SEMA3E: variants seen among roughly 807,000 people sequenced by gnomAD.
SEMA3E encodes semaphorin 3E.
In SEMA3E, 49 loss-of-function variants were observed where a neutral mutation model predicts 93.6. The ratio of observed to expected loss-of-function variants is 0.52; its 90% CI spans 0.42 to 0.66. The LOEUF is 0.66. Among genes scored for constraint, SEMA3E ranks in the 30% least tolerant of loss-of-function variants. The pLI, the probability that SEMA3E is intolerant of heterozygous loss-of-function variation, is 0.00. For synonymous variants in SEMA3E, 363 were observed against 330.7 expected, an observed-to-expected ratio of 1.10 and a Z score of -1.06; for missense variants, 906 against 964.8, an observed-to-expected ratio of 0.94 and a Z score of 0.81.
chr7:83,568,432 C>G (rs191207429), intron 1 of SEMA3E, among the ~76,000 whole-genome samples: 1 of 151,918 alleles, frequency 6.6e-6, no homozygotes. Flanking sequence ...AACAAAAATC[C>G]GTAGGCCAAT....
At chr7:83,531,064 A>G (rs1473133217) in intron 1 of SEMA3E, among the ~76,000 whole-genome samples, 2 of 152,138 alleles carry the variant, frequency 1.3e-5, no homozygotes, top group African/African-American at 4.8e-5. Context: ...TAAGAAACAG[A>G]ATGTAGTATT....
chr7:83,541,044 C>T (rs912600449), intron 1 of SEMA3E, among the ~76,000 whole-genome samples: 2 of 152,158 alleles, frequency 1.3e-5, no homozygotes, highest in African/African-American at 4.8e-5. Context: ...CAACTGAGTA[C>T]TTTCAGATGC....
intron 1 of SEMA3E, among the ~76,000 whole-genome samples, chr7:83,544,816 G>A (rs1791611945): frequency 6.6e-6 from 1 of 151,658 alleles, no homozygotes; most frequent in African/African-American, 2.4e-5. Flanking sequence ...CATCTAGGTG[G>A]GACCCTTTAT....
chr7:83,432,651 C>T (rs559043901), intron 4 of SEMA3E, among the ~76,000 whole-genome samples: 1 of 152,068 alleles, frequency 6.6e-6, no homozygotes, highest in Non-Finnish European at 1.5e-5. Flanking sequence ...GAAAGTTAGG[C>T]AATCATATAT....
intron 4 of SEMA3E, among the ~76,000 whole-genome samples, chr7:83,434,052 T>G (rs2722970): frequency 0.77 from 116,270 of 151,906 alleles, 44,835 homozygotes; most frequent in East Asian, 1. Context: ...AGGTTGGTGC[T>G]AAATAACTGT....
rs565594172 is a variant in SEMA3E at position 83,363,533 on chromosome 7, C to T, written c.*4053G>A. 1 of 151,842 alleles carries T rather than the reference C, an allele frequency of 6.6e-6. No homozygotes were observed. The highest frequency in any genetic ancestry group is 1.5e-5 in the Non-Finnish European group (1 of 67,976). The allele number at this position is 151,842 out of a possible 1,614,324, so 9.4% of individuals were successfully genotyped here. ...TATAAGTAAGCCATTTAAACACAAG[C>T]AGAACACAATTTATAATGAAAGCCA... is the stretch of plus-strand genomic sequence containing the variant. On this transcript the variant is annotated 3_prime_UTR_variant, in exon 17 of 17. Coordinates refer to ENST00000643230, the MANE Select transcript of SEMA3E (RefSeq NM_012431.3).
intron 1 of SEMA3E, among the ~76,000 whole-genome samples, chr7:83,537,807 C>G (rs1791436471): frequency 6.6e-6 from 1 of 152,102 alleles, no homozygotes; most frequent in South Asian, 2.1e-4. Flanking sequence ...TTTCCATCAC[C>G]TCTAAAAGAA....
chr7:83,531,341 C>A, intron 1 of SEMA3E, among the ~76,000 whole-genome samples: 1 of 68,142 alleles, frequency 1.5e-5, no homozygotes, highest in Admixed American at 2.5e-4. Flanking sequence ...TTGGAATATT[C>A]TTTTTTTTTT....
intron 1 of SEMA3E, among the ~76,000 whole-genome samples, chr7:83,565,717 C>T (rs1792134274): frequency 6.6e-6 from 1 of 151,978 alleles, no homozygotes; most frequent in Non-Finnish European, 1.5e-5. Context: ...GCTTCCTTGA[C>T]CAAAGGCTAC....
intron 1 of SEMA3E, among the ~76,000 whole-genome samples, chr7:83,524,851 T>C (rs539172430): frequency 1.3e-5 from 2 of 151,974 alleles, no homozygotes; most frequent in South Asian, 2.1e-4. Context: ...AAATCTCTCC[T>C]GGAGCCTCTG....
intron 1 of SEMA3E, among the ~76,000 whole-genome samples, chr7:83,623,280 T>G (rs992396288): frequency 2.0e-5 from 3 of 152,040 alleles, no homozygotes; most frequent in African/African-American, 7.2e-5. Flanking sequence ...ATAATAAAAT[T>G]GGGTACATGA....
chr7:83,564,905 G>A (rs909534783), intron 1 of SEMA3E, among the ~76,000 whole-genome samples: 3 of 152,134 alleles, frequency 2.0e-5, no homozygotes, highest in Non-Finnish European at 4.4e-5. Flanking sequence ...GTGAATCCAG[G>A]TGCTGGTTTT....
intron 2 of SEMA3E, among the ~76,000 whole-genome samples, chr7:83,477,498 A>G (rs1011413070): frequency 6.6e-6 from 1 of 152,134 alleles, no homozygotes; most frequent in South Asian, 2.1e-4. Flanking sequence ...ATCTGTCATT[A>G]TGTTTATGCC....
intron 16 of SEMA3E, chr7:83,372,421 C>T: frequency 2.5e-6 from 1 of 392,240 alleles, no homozygotes; most frequent in Non-Finnish European, 4.5e-6. Context: ...ATATAGCAAG[C>T]AGTTTATGAA....
intron 1 of SEMA3E, among the ~76,000 whole-genome samples, chr7:83,583,724 T>A (rs78236273): frequency 4.5e-4 from 69 of 152,334 alleles, no homozygotes; most frequent in Non-Finnish European, 9.1e-4. Context: ...TTTCATGTGA[T>A]ATGTTAAAGA....
rs943199461 is a variant in SEMA3E, at chr7:83,365,850, A to C, written c.*1736T>G. The C allele has an allele frequency of 6.6e-6, 1 of 152,112 alleles. No individual in the cohort carries two copies. The highest frequency in any genetic ancestry group is 2.1e-4 in the South Asian group (1 of 4,834). 9.4% of individuals were successfully genotyped at this position (152,112 alleles called of 1,614,324 possible). On this transcript the variant is annotated 3_prime_UTR_variant, in exon 17 of 17. Transcript: ENST00000643230. ...CCCTGTGATCTGTGTTTGTGGTTCT[A>C]TTTCTCCAAATTGAGCAGGCTTTTA...
At chr7:83,486,469 C>T (rs568657290) in intron 2 of SEMA3E, among the ~76,000 whole-genome samples, 1 of 152,192 alleles carries the variant, frequency 6.6e-6, no homozygotes, top group East Asian at 1.9e-4. Context: ...AAAGTCCAGA[C>T]AAGACAGGAG....
At chr7:83,397,516 GA>G (rs576941782) in intron 11 of SEMA3E, among the ~76,000 whole-genome samples, 2 of 151,896 alleles carry the variant, frequency 1.3e-5, no homozygotes, top group Non-Finnish European at 2.9e-5. Flanking sequence ...GTTTTGGCAA[GA>G]AAAAAATCCA....
intron 1 of SEMA3E, among the ~76,000 whole-genome samples, chr7:83,571,021 G>C (rs1170365926): frequency 6.7e-6 from 1 of 148,156 alleles, no homozygotes; most frequent in Non-Finnish European, 1.5e-5. Context: ...GAAGAAAGTG[G>C]AAACCTGAAA....
Sources: gnomAD v4.1 joint callset for allele counts (sites outside exome capture counted in the v4.1 genomes callset) on GRCh38, gnomAD v4.1.1 for gene constraint, MANE v1.5 for transcripts, NCBI Gene and HGNC (gene_info 2026-07-23, HGNC 2026-07-21) for gene names.